The following RTL4 variants were observed in gnomAD, a reference collection of about 807,000 sequenced individuals.
RTL4 encodes retrotransposon Gag like 4, also known as retrotransposon Gag-like protein 4.
RTL4 carries 4 observed loss-of-function variants against 5.3 expected under a neutral mutation model. That is an observed-to-expected ratio of 0.75 (90% CI 0.37 to 1.72). The LOEUF (loss-of-function observed/expected upper bound fraction) is 1.72. Ranked by LOEUF, RTL4 falls within the 40% of genes most tolerant of loss-of-function variation. RTL4 has a pLI of 0.04. For synonymous variants in RTL4, 98 were observed against 87.3 expected (o/e 1.12, Z -0.68); for missense variants, 260 against 227.1 (o/e 1.14, Z -0.93).
the RTL4 span, among the ~76,000 whole-genome samples, chrX:112,326,851 G>T: frequency 9.0e-6 from 1 of 111,718 alleles, no homozygotes; most frequent in African/African-American, 3.2e-5. Context: ...CCTGACCCCT[G>T]ACCCCCGAGC....
chrX:112,391,951 A>T, the RTL4 span, among the ~76,000 whole-genome samples: 1 of 111,187 alleles, frequency 9.0e-6, no homozygotes, highest in South Asian at 3.8e-4. Context: ...CAGTCCAGTC[A>T]GCCCAGGATG....
At chrX:112,374,923 GC>G in the RTL4 span, among the ~76,000 whole-genome samples, 1 of 111,883 alleles carries the variant, frequency 8.9e-6, no homozygotes, top group Non-Finnish European at 1.9e-5. Flanking sequence ...AAGTTATAAA[GC>G]CTTGTTACCT....
chrX:112,108,102 C>T, the RTL4 span, among the ~76,000 whole-genome samples: 213 of 111,347 alleles, frequency 1.9e-3, no homozygotes, highest in African/African-American at 6.8e-3. Context: ...ATGCTCTCTG[C>T]TGCATTTCTT....
the RTL4 span, among the ~76,000 whole-genome samples, chrX:112,438,376 G>A: frequency 1.8e-5 from 2 of 111,834 alleles, no homozygotes; most frequent in African/African-American, 6.5e-5. Flanking sequence ...TGAACTTCGA[G>A]GCAACAGTAC....
the RTL4 span, among the ~76,000 whole-genome samples, chrX:112,129,997 A>T: frequency 1.8e-5 from 2 of 112,067 alleles, no homozygotes; most frequent in South Asian, 7.3e-4. Flanking sequence ...AAATTAAATA[A>T]GTAGAGAGAT....
At chrX:112,337,994 T>C in the RTL4 span, among the ~76,000 whole-genome samples, 5 of 112,084 alleles carry the variant, frequency 4.5e-5, no homozygotes, top group African/African-American at 1.6e-4. Context: ...ACTGTCTTTT[T>C]AGATTTTTAG....
At chrX:112,129,241 A>T in the RTL4 span, among the ~76,000 whole-genome samples, 4 of 111,789 alleles carry the variant, frequency 3.6e-5, no homozygotes, top group African/African-American at 1.3e-4. Flanking sequence ...TGTATTGCTG[A>T]TGGGAATGTA....
chrX:112,149,972 C>T, the RTL4 span, among the ~76,000 whole-genome samples: 1 of 111,052 alleles, frequency 9.0e-6, no homozygotes, highest in African/African-American at 3.3e-5. Context: ...GTAAGAGAGC[C>T]AGCTTTGGGG....
At chrX:112,235,408 T>G in the RTL4 span, among the ~76,000 whole-genome samples, 1 of 111,411 alleles carries the variant, frequency 9.0e-6, no homozygotes, top group African/African-American at 3.3e-5. Flanking sequence ...CAGAATGCCT[T>G]TGTGCTTTAT....
the RTL4 span, among the ~76,000 whole-genome samples, chrX:112,296,632 C>T: frequency 1.1e-5 from 1 of 95,140 alleles, no homozygotes; most frequent in Non-Finnish European, 2.1e-5. Context: ...TTTTTTGAGA[C>T]AGAGTTTCAC....
the RTL4 span, among the ~76,000 whole-genome samples, chrX:112,140,792 A>G: frequency 8.9e-6 from 1 of 112,016 alleles, no homozygotes; most frequent in African/African-American, 3.2e-5. Flanking sequence ...ATACTAACCC[A>G]TTTTTGAAAA....
upstream of RTL4, among the ~76,000 whole-genome samples, chrX:112,450,635 G>T (rs61346533): frequency 0.3 from 33,021 of 110,251 alleles, 4,154 homozygotes; most frequent in African/African-American, 0.48. Flanking sequence ...TGTATGATTT[G>T]CATTTGGACT....
At chrX:112,339,852 T>C in the RTL4 span, among the ~76,000 whole-genome samples, 4,969 of 112,551 alleles carry the variant, frequency 0.044, 266 homozygotes, top group African/African-American at 0.15. Flanking sequence ...CTTTGTAGGA[T>C]ATATGGTCTC....
the RTL4 span, among the ~76,000 whole-genome samples, chrX:112,102,134 G>A: frequency 9.0e-6 from 1 of 111,264 alleles, no homozygotes; most frequent in Non-Finnish European, 1.9e-5. Context: ...ATATAGTATA[G>A]GGACTCTCTA....
At chrX:112,312,736 A>G in the RTL4 span, among the ~76,000 whole-genome samples, 1 of 110,848 alleles carries the variant, frequency 9.0e-6, no homozygotes, top group East Asian at 2.8e-4. Flanking sequence ...GAGTTCTCCA[A>G]AATCTCATTT....
chrX:112,375,980 G>A, the RTL4 span, among the ~76,000 whole-genome samples: 3 of 111,621 alleles, frequency 2.7e-5, no homozygotes, highest in Non-Finnish European at 5.6e-5. Flanking sequence ...GATAATCAGA[G>A]GGCTGAGGAC....
chrX:112,298,377 TG>T, the RTL4 span, among the ~76,000 whole-genome samples: 2 of 111,917 alleles, frequency 1.8e-5, no homozygotes, highest in Non-Finnish European at 3.8e-5. Context: ...AGAGACTACC[TG>T]GGCATAGCTA....
At chrX:112,190,204 CTTTT>C in the RTL4 span, among the ~76,000 whole-genome samples, 1 of 63,002 alleles carries the variant, frequency 1.6e-5, no homozygotes, top group Non-Finnish European at 3.1e-5. Context: ...TTCTTTCTTT[CTTTT>C]TTCTATACCT....
In RTL4 at chrX:112,455,698, C is replaced by T. The variant is rs201667120; in HGVS notation, c.*37C>T. ...GAAAGTCACTTTTTAAACTTACATC[C>T]CAGCCTTACTGATTTATAACCTGCA... On this transcript the variant is annotated 3_prime_UTR_variant, in exon 1 of 1. Coordinates refer to ENST00000340433, the Ensembl canonical transcript of RTL4. The T allele has an allele frequency of 4.2e-4, 471 of 1,125,183 alleles. 2 individuals carry two copies. The Admixed American group carries it at 0.012, about 28-fold the overall frequency. 92.7% of individuals were successfully genotyped at this position (1,125,183 alleles called of 1,213,427 possible).
Sources: allele counts gnomAD v4.1 joint callset (sites outside exome capture counted in the v4.1 genomes callset), GRCh38; gene constraint gnomAD v4.1.1; transcripts MANE v1.5; gene names NCBI Gene and HGNC (gene_info 2026-07-23, HGNC 2026-07-21).